The following GRID2 variants were observed in gnomAD, a reference collection of about 807,000 sequenced individuals.
GRID2 encodes glutamate receptor ionotropic, delta-2.
In GRID2, 33 loss-of-function variants were observed where a neutral mutation model predicts 114.8. That is an observed-to-expected ratio of 0.29 (90% CI 0.22 to 0.38). GRID2 has a LOEUF of 0.38. GRID2 is among the 10% of genes least tolerant of loss of function. The probability of loss-of-function intolerance (pLI) is 1.00; values close to 1 mark genes in which losing one functional copy is unlikely to be tolerated. For synonymous variants in GRID2, 505 were observed against 449.9 expected (o/e 1.12, Z -1.55); for missense variants, 1,184 against 1,257.7 (o/e 0.94, Z 0.89).
chr4:93,285,705 CATA>C (rs1753083296), intron 8 of GRID2, among the ~76,000 whole-genome samples: 1 of 151,892 alleles, frequency 6.6e-6, no homozygotes, highest in African/African-American at 2.4e-5. Context: ...TTAGCAATAT[CATA>C]ATATTTCAAA....
chr4:93,081,934 C>T (rs1214427483), intron 2 of GRID2, among the ~76,000 whole-genome samples: 1 of 152,126 alleles, frequency 6.6e-6, no homozygotes, highest in African/African-American at 2.4e-5. Context: ...CCTTTTATTT[C>T]CTGAAATCTC....
intron 14 of GRID2, among the ~76,000 whole-genome samples, chr4:93,633,161 A>G (rs918002097): frequency 4.6e-5 from 7 of 152,120 alleles, no homozygotes; most frequent in Non-Finnish European, 8.8e-5. Context: ...ATAAATAGCT[A>G]CTTTTATTCA....
intron 4 of GRID2, among the ~76,000 whole-genome samples, chr4:93,125,900 G>A (rs932540212): frequency 6.6e-6 from 1 of 152,140 alleles, no homozygotes; most frequent in African/African-American, 2.4e-5. Context: ...GCTTATGACA[G>A]GCATCCTTTC....
chr4:93,588,381 T>C (rs544208082), intron 13 of GRID2, among the ~76,000 whole-genome samples: 2 of 152,304 alleles, frequency 1.3e-5, no homozygotes, highest in East Asian at 3.9e-4. Context: ...TTTACATTAA[T>C]GTCATACAGG....
chr4:93,538,196 C>A, intron 13 of GRID2, among the ~76,000 whole-genome samples: 1 of 151,726 alleles, frequency 6.6e-6, no homozygotes, highest in African/African-American at 2.4e-5. Flanking sequence ...GAAGGTGAAT[C>A]TGGAAAATTT....
At chr4:92,845,980 C>G (rs1392855091) in intron 2 of GRID2, among the ~76,000 whole-genome samples, 1 of 152,068 alleles carries the variant, frequency 6.6e-6, no homozygotes, top group Non-Finnish European at 1.5e-5. Context: ...TAGCCCCAAC[C>G]TCAAAGCTAT....
chr4:92,378,811 T>C (rs919742354), intron 1 of GRID2, among the ~76,000 whole-genome samples: 3 of 152,084 alleles, frequency 2.0e-5, no homozygotes, highest in African/African-American at 7.2e-5. Context: ...ATATTTCATT[T>C]GCTACCTGTT....
chr4:92,766,648 C>G (rs1285140988), intron 2 of GRID2, among the ~76,000 whole-genome samples: 2 of 151,444 alleles, frequency 1.3e-5, no homozygotes, highest in Middle Eastern at 3.2e-3. Context: ...GTCTAAAGGT[C>G]ATATACATAA....
chr4:93,287,385 G>T (rs1007314788), intron 8 of GRID2, among the ~76,000 whole-genome samples: 1 of 152,166 alleles, frequency 6.6e-6, no homozygotes, highest in Non-Finnish European at 1.5e-5. Flanking sequence ...CTTTAGGCAG[G>T]TAGAAAGTTG....
intron 2 of GRID2, among the ~76,000 whole-genome samples, chr4:92,858,334 C>A (rs1396767205): frequency 6.6e-6 from 1 of 152,150 alleles, no homozygotes; most frequent in Non-Finnish European, 1.5e-5. Context: ...GGATGCCATT[C>A]AGAACATTCA....
chr4:93,294,447 T>C (rs1429427848), intron 8 of GRID2, among the ~76,000 whole-genome samples: 1 of 152,174 alleles, frequency 6.6e-6, no homozygotes, highest in Non-Finnish European at 1.5e-5. Flanking sequence ...TATGTGTGTA[T>C]GTGAGAGAGA....
intron 1 of GRID2, among the ~76,000 whole-genome samples, chr4:92,562,037 G>C (rs1727126476): frequency 6.6e-6 from 1 of 152,098 alleles, no homozygotes; most frequent in Admixed American, 6.5e-5. Flanking sequence ...CTTTGTTTTA[G>C]CCAGATATGT....
At chr4:92,756,421 T>C (rs1253910899) in intron 2 of GRID2, among the ~76,000 whole-genome samples, 1 of 152,190 alleles carries the variant, frequency 6.6e-6, no homozygotes, top group African/African-American at 2.4e-5. Flanking sequence ...TGTATGCCTT[T>C]GATACATTGA....
intron 8 of GRID2, among the ~76,000 whole-genome samples, chr4:93,356,937 G>A (rs1761392928): frequency 6.6e-6 from 1 of 151,514 alleles, no homozygotes; most frequent in Non-Finnish European, 1.5e-5. Flanking sequence ...TCTTTATAAG[G>A]ACAAATGACT....
chr4:93,042,871 A>G (rs2149271176), intron 2 of GRID2, among the ~76,000 whole-genome samples: 1 of 151,736 alleles, frequency 6.6e-6, no homozygotes, highest in East Asian at 2.0e-4. Flanking sequence ...CCAAGTAGCC[A>G]CTCTTGAAAA....
chr4:92,771,410 A>G (rs1348326446), intron 2 of GRID2, among the ~76,000 whole-genome samples: 1 of 152,182 alleles, frequency 6.6e-6, no homozygotes, highest in African/African-American at 2.4e-5. Flanking sequence ...CATTTAAAAT[A>G]GTAATCTGTT....
At chr4:92,445,797 T>C (rs1390812146) in intron 1 of GRID2, among the ~76,000 whole-genome samples, 1 of 152,242 alleles carries the variant, frequency 6.6e-6, no homozygotes, top group Non-Finnish European at 1.5e-5. Context: ...CTTACCTTGG[T>C]TAGTGCGTAA....
At chr4:93,027,734 GT>G (rs1724015220) in intron 2 of GRID2, among the ~76,000 whole-genome samples, 6 of 151,906 alleles carry the variant, frequency 3.9e-5, no homozygotes, top group Admixed American at 3.3e-4. Context: ...AAACATACAT[GT>G]TAGCTCATAT....
chr4:92,974,026 A>G, intron 2 of GRID2, among the ~76,000 whole-genome samples: 1 of 152,230 alleles, frequency 6.6e-6, no homozygotes, highest in South Asian at 2.1e-4. Flanking sequence ...AAATAGGCAA[A>G]GGCTATGAAC....
Sources: gnomAD v4.1 joint callset for allele counts (sites outside exome capture counted in the v4.1 genomes callset) on GRCh38, gnomAD v4.1.1 for gene constraint, MANE v1.5 for transcripts, NCBI Gene and HGNC (gene_info 2026-07-23, HGNC 2026-07-21) for gene names.